PTPN12: variants seen among roughly 807,000 people sequenced by gnomAD.
The protein encoded by PTPN12 is tyrosine-protein phosphatase non-receptor type 12.
PTPN12 carries 29 observed loss-of-function variants against 97.6 expected under a neutral mutation model. The ratio of observed to expected loss-of-function variants is 0.30; its 90% confidence interval spans 0.22 to 0.41. The LOEUF is 0.41. PTPN12 is among the 10% of genes least tolerant of loss of function. PTPN12 has a pLI of 1.00. For synonymous variants in PTPN12, 327 were observed against 300.4 expected (o/e 1.09, Z -0.91); for missense variants, 819 against 926.0 (o/e 0.88, Z 1.50).
rs749891128 is a variant in PTPN12 at position 77,537,550 on chromosome 7, G to C, written c.4G>C (p.Glu2Gln). The C allele has an allele frequency of 1.9e-6, 3 of 1,595,258 alleles. No homozygotes were observed. Among genetic ancestry groups the C allele is most frequent in the South Asian group, 2.3e-5 (2 of 88,514 alleles). The change falls in exon 1 of 18, where the codon GAG (glutamate) becomes CAG (glutamine). Residue 2 changes from glutamate to glutamine, a missense_variant. Glu to Gln is a conservative substitution (Grantham distance 29, BLOSUM62 2). Transcript: ENST00000248594. ...GCAGCCGGGGGGACGCGGGAGGATG[G>C]AGCAAGTGGAGATCCTGAGGAAATT... MEQVEILRKFIQ... is the reference protein window; with the variant it reads MQQVEILRKFIQ...
At chr7:77,613,057 C>T (rs771143498) in intron 11 of PTPN12, among the ~76,000 whole-genome samples, 4 of 150,958 alleles carry the variant, frequency 2.6e-5, no homozygotes, top group Non-Finnish European at 5.9e-5. Context: ...AGGTGTGAGC[C>T]ACTGCACCCG....
chr7:77,604,510 A>G (rs1972568), intron 8 of PTPN12, among the ~76,000 whole-genome samples: 106,713 of 151,888 alleles, frequency 0.7, 38,460 homozygotes, highest in East Asian at 0.9. Flanking sequence ...CACTGCGCCC[A>G]GCCTCATCTT....
intron 11 of PTPN12, among the ~76,000 whole-genome samples, chr7:77,617,782 ACAGTCCTAAAC>A (rs1788802308): frequency 6.6e-6 from 1 of 152,130 alleles, no homozygotes; most frequent in Non-Finnish European, 1.5e-5. Context: ...TCCCCTATTC[ACAGTCCTAAAC>A]CTAAGGTTCT....
intron 12 of PTPN12, among the ~76,000 whole-genome samples, chr7:77,625,472 G>GCTCGCTCGCTCGCT: frequency 3.0e-5 from 1 of 33,522 alleles, no homozygotes; most frequent in Non-Finnish European, 5.0e-5. Flanking sequence ...CAGGCTGCTC[G>GCTCGCTCGCTCGCT]CTCTCTCTCT....
At chr7:77,574,150 T>C (rs549189636) in intron 2 of PTPN12, among the ~76,000 whole-genome samples, 5 of 152,294 alleles carry the variant, frequency 3.3e-5, no homozygotes, top group African/African-American at 4.8e-5. Context: ...TATTAACATA[T>C]ATGGTCTGTC....
At chr7:77,568,017 C>G (rs1388623391) in intron 1 of PTPN12, among the ~76,000 whole-genome samples, 2 of 152,018 alleles carry the variant, frequency 1.3e-5, no homozygotes, top group Admixed American at 6.6e-5. Context: ...TTGTAGATAC[C>G]TTTTTAAAGT....
intron 14 of PTPN12, among the ~76,000 whole-genome samples, chr7:77,634,457 T>C (rs538139723): frequency 2.1e-4 from 32 of 152,282 alleles, no homozygotes; most frequent in Non-Finnish European, 4.0e-4. Flanking sequence ...TTCATTTTTT[T>C]GAGATGGAGT....
chr7:77,582,200 T>C (rs920267335), intron 3 of PTPN12, among the ~76,000 whole-genome samples: 1 of 147,008 alleles, frequency 6.8e-6, no homozygotes, highest in Admixed American at 6.9e-5. Context: ...GTTCACGCCA[T>C]TCTCCTGCCT....
intron 1 of PTPN12, among the ~76,000 whole-genome samples, chr7:77,548,906 A>G (rs1236804510): frequency 6.6e-6 from 1 of 152,018 alleles, no homozygotes; most frequent in Non-Finnish European, 1.5e-5. Context: ...GGCTGCTTGG[A>G]TACTTCTCTT....
intron 14 of PTPN12, 131 bp downstream of exon 14, chr7:77,632,556 T>C (rs1332341555): frequency 8.7e-6 from 6 of 687,388 alleles, no homozygotes; most frequent in South Asian, 1.9e-5. Flanking sequence ...GATGTTGACA[T>C]GCTTTTAATT....
chr7:77,625,014 A>G (rs560522688), intron 12 of PTPN12, among the ~76,000 whole-genome samples: 1 of 152,130 alleles, frequency 6.6e-6, no homozygotes, highest in East Asian at 2.0e-4. Context: ...ATGTGCCTGT[A>G]GTCCCAGCTA....
At chr7:77,625,472 G>C (rs112627126) in intron 12 of PTPN12, among the ~76,000 whole-genome samples, 2 of 33,522 alleles carry the variant, frequency 6.0e-5, no homozygotes, top group Non-Finnish European at 5.0e-5. Flanking sequence ...CAGGCTGCTC[G>C]CTCTCTCTCT....
intron 1 of PTPN12, among the ~76,000 whole-genome samples, chr7:77,548,832 G>A (rs569617705): frequency 6.6e-6 from 1 of 152,248 alleles, no homozygotes; most frequent in South Asian, 2.1e-4. Flanking sequence ...GAGAGCCTGG[G>A]TGACTCCTCT....
Position 77,583,566 on chromosome 7 carries a change from G to A in PTPN12, c.297G>A (p.Gly99=), listed in dbSNP as rs536552312. 6.2e-7 allele frequency: 1 copy of A among 1,605,670 alleles called. No individual in the cohort carries two copies. The highest frequency in any genetic ancestry group is 1.1e-5 in the South Asian group (1 of 88,996). ...TTAACCATTTTTAGGGCGTCTATGG[G>A]CCAAAAGCATATGTAGCAACTCAAG... ...INANFIKGVY[G]PKAYVATQGP... The change falls in exon 4 of 18, where the codon GGG becomes GGA. Residue 99 remains glycine (G), a synonymous_variant. Transcript: ENST00000248594.
chr7:77,602,988 C>T (rs1352762744), intron 8 of PTPN12, among the ~76,000 whole-genome samples: 1 of 152,098 alleles, frequency 6.6e-6, no homozygotes, highest in African/African-American at 2.4e-5. Context: ...TTCTTATTCA[C>T]TTGGTTTGAC....
chr7:77,611,087 CTT>C (rs898539493), intron 11 of PTPN12, 41 bp downstream of exon 11: 1 of 1,465,018 alleles, frequency 6.8e-7, no homozygotes, highest in Non-Finnish European at 9.5e-7. Context: ...AACTTTTACT[CTT>C]TGTTAAGATG....
Position 77,537,459 on chromosome 7 carries a change from G to A in PTPN12, c.-88G>A, listed in dbSNP as rs1245380863. On this transcript the variant is annotated 5_prime_UTR_variant, in exon 1 of 18. Coordinates refer to ENST00000248594, the MANE Select transcript of PTPN12 (RefSeq NM_002835.4). ...GTCGGGAGGGAGGGACGTGCTGGGG[G>A]AACGAGCTGGGGAAGACGGAGCGGG... 7 of 1,336,846 alleles carry A rather than the reference G, an allele frequency of 5.2e-6. No homozygotes were observed. The highest frequency in any genetic ancestry group is 5.2e-5 in the African/African-American group (3 of 57,902). The allele number at this position is 1,336,846 out of a possible 1,614,324, so 82.8% of individuals were successfully genotyped here. A position where few individuals can be genotyped will look rare whatever the true frequency, so the allele number is the denominator to read the frequency against.
rs1225675174 is a variant in PTPN12 at position 77,537,563 on chromosome 7, T to G, written c.17T>G (p.Ile6Ser). The G allele has an allele frequency of 6.3e-7, 1 of 1,598,118 alleles. No individual in the cohort carries two copies. The change falls in exon 1 of 18, where the codon ATC becomes AGC. Residue 6 changes from isoleucine to serine, a missense_variant. This residue lies in a region of PTPN12 where 59 missense variants were observed against 42.2 expected (regional missense o/e 1.40). Coordinates refer to ENST00000248594, the MANE Select transcript of PTPN12 (RefSeq NM_002835.4). MEQVE[I>S]LRKFIQRVQA... Reference sequence around the variant, plus strand: ...CGCGGGAGGATGGAGCAAGTGGAGATCCTGAGGAAATTCATCCAGAGGGTC... The same window carrying G: ...CGCGGGAGGATGGAGCAAGTGGAGAGCCTGAGGAAATTCATCCAGAGGGTC...
chr7:77,566,196 T>C (rs546728464), intron 1 of PTPN12, among the ~76,000 whole-genome samples: 1 of 152,306 alleles, frequency 6.6e-6, no homozygotes, highest in South Asian at 2.1e-4. Context: ...GGTGAGTAAT[T>C]CTATATGACT....
Sources: allele counts gnomAD v4.1 joint callset (sites outside exome capture counted in the v4.1 genomes callset), GRCh38; gene constraint gnomAD v4.1.1; regional missense constraint gnomAD v4.1.1; transcripts MANE v1.5; gene names NCBI Gene and HGNC (gene_info 2026-07-23, HGNC 2026-07-21).